The following ADRA1A variants were observed in gnomAD, a reference collection of about 807,000 sequenced individuals.
ADRA1A encodes the protein alpha-1A adrenergic receptor.
ADRA1A carries 31 observed loss-of-function variants against 29.6 expected under a neutral mutation model. The observed-to-expected ratio is 1.05, with a 90% CI of 0.79 to 1.41. The LOEUF is 1.41. Among genes scored for constraint, ADRA1A ranks in the 40% most tolerant of loss-of-function variants. The pLI is 0.00. For synonymous variants in ADRA1A, 311 were observed against 254.3 expected (o/e 1.22, Z -2.12); for missense variants, 619 against 601.1 (o/e 1.03, Z -0.31).
At chr8:26,784,025 G>A (rs1473898007) in intron 2 of ADRA1A, among the ~76,000 whole-genome samples, 4 of 151,926 alleles carry the variant, frequency 2.6e-5, no homozygotes, top group African/African-American at 9.7e-5. Context: ...GGCCTGTTTG[G>A]GGGGTGTGGT....
chr8:26,864,279 G>A lies in ADRA1A; in HGVS notation c.691C>T (p.Gln231Ter). The A allele has an allele frequency of 6.2e-7, 1 of 1,614,150 alleles. No homozygotes were observed. Among genetic ancestry groups the A allele is most frequent in the Non-Finnish European group, 8.5e-7 (1 of 1,180,048 alleles). ...GLKTDKSDSE[Q>*]VTLRIHRKNA... ...TTCCGATGGATGCGGAGCGTCACTT[G>A]CTCCGAGTCCGACTTGTCGGTCTTG... Residue 231 changes from glutamine to a stop codon, truncating the protein, a stop_gained, in exon 2 of 3, where the codon CAA becomes TAA. Coordinates refer to ENST00000380573, the MANE Select transcript of ADRA1A (RefSeq NM_000680.4). LOFTEE classifies it high-confidence loss of function. This position sits in a 1 kb window ranked among gnomAD's most constrained non-coding sequence, Gnocchi z 8.1.
chr8:26,842,812 A>G (rs1195188257), intron 2 of ADRA1A, among the ~76,000 whole-genome samples: 1 of 151,476 alleles, frequency 6.6e-6, no homozygotes, highest in African/African-American at 2.4e-5. Context: ...GGATAATAAT[A>G]TTGTCCCACC....
chr8:26,818,843 T>C (rs1204303597), intron 2 of ADRA1A, among the ~76,000 whole-genome samples: 1 of 151,892 alleles, frequency 6.6e-6, no homozygotes, highest in Non-Finnish European at 1.5e-5. Context: ...ATTTATGAAA[T>C]GTTATCAGGT....
At chr8:26,809,725 T>C (rs1175163728) in intron 2 of ADRA1A, among the ~76,000 whole-genome samples, 2 of 152,206 alleles carry the variant, frequency 1.3e-5, no homozygotes, top group Admixed American at 6.5e-5. Flanking sequence ...AATGGAATGG[T>C]TTCTTCCCAC....
rs528402543 is a variant in ADRA1A, at chr8:26,770,089, C to T, written c.*60G>A. ...TGTCCTCCAAGAAGAGCTGGCCTTC[C>T]GAGAAGGAAGTGGGGTGGGTACCTA... On this transcript the variant is annotated 3_prime_UTR_variant, in exon 3 of 3. Transcript: ENST00000380573. 2.1e-5 allele frequency: 32 copies of T among 1,513,804 alleles called. No individual in the cohort carries two copies. The highest frequency in any genetic ancestry group is 1.8e-4 in the Admixed American group (8 of 44,278). The allele number at this position is 1,513,804 out of a possible 1,614,324, so 93.8% of individuals were successfully genotyped here. A position where few individuals can be genotyped will look rare whatever the true frequency, so the allele number is the denominator to read the frequency against.
At chr8:26,837,872 T>G (rs1811503355) in intron 2 of ADRA1A, among the ~76,000 whole-genome samples, 1 of 152,228 alleles carries the variant, frequency 6.6e-6, no homozygotes, top group Non-Finnish European at 1.5e-5. Context: ...ATGTTCCCAC[T>G]TTTACTGCCT....
chr8:26,798,080 G>T (rs1808311745), intron 2 of ADRA1A, among the ~76,000 whole-genome samples: 1 of 152,028 alleles, frequency 6.6e-6, no homozygotes, highest in Non-Finnish European at 1.5e-5. Context: ...CCAGGCTCAA[G>T]TGATTCTCCT....
chr8:26,809,962 C>T (rs1183153771), intron 2 of ADRA1A, among the ~76,000 whole-genome samples: 1 of 152,182 alleles, frequency 6.6e-6, no homozygotes, highest in Non-Finnish European at 1.5e-5. Flanking sequence ...TTATTATACC[C>T]TGTTCTGTGT....
downstream of ADRA1A, among the ~76,000 whole-genome samples, chr8:26,761,238 G>A (rs551164461): frequency 1.3e-5 from 2 of 152,330 alleles, no homozygotes; most frequent in African/African-American, 4.8e-5. Context: ...GACAATTGCT[G>A]TAAGAACTTG....
In ADRA1A at chr8:26,833,397, G is replaced by A. The variant is rs1811126334; in HGVS notation, c.883+30690C>T. Among the ~76,000 whole-genome samples, 3 of 152,110 alleles carry A rather than the reference G, an allele frequency of 2.0e-5. No homozygotes were observed. In the South Asian group the frequency reaches 6.2e-4, roughly 32 times the overall value. On this transcript the variant is annotated intron_variant, in intron 2 of 2. Coordinates refer to ENST00000380573, the MANE Select transcript of ADRA1A (RefSeq NM_000680.4). ...AATTTTGTCTCCCTTTTGCTTGTCA[G>A]GGTTGGGTACCTTGAATATGGGTTC...
chr8:26,767,639 G>A (rs750453963), downstream of ADRA1A, among the ~76,000 whole-genome samples: 4 of 152,298 alleles, frequency 2.6e-5, 1 homozygote, highest in South Asian at 8.3e-4. Flanking sequence ...ATTTTGATTA[G>A]ATGTGGCATT....
Position 26,866,878 on chromosome 8 carries a change from G to A in ADRA1A, c.-687+58C>T, listed in dbSNP as rs1235702674. ...TGGGGGTTCCGTCTCACCAGACGGC[G>A]GGGGAGGTCTGCCCTCACCCACTCG... On this transcript the variant is annotated intron_variant, in intron 1 of 2. Transcript: ENST00000380573. This position sits in a 1 kb window ranked among gnomAD's most constrained non-coding sequence, Gnocchi z 5.7. 2 of 985,480 alleles carry A rather than the reference G, an allele frequency of 2.0e-6. No homozygotes were observed. The highest frequency in any genetic ancestry group is 2.4e-6 in the Non-Finnish European group (2 of 830,026). The allele number at this position is 985,480 out of a possible 1,614,324, so 61.0% of individuals were successfully genotyped here. A position where few individuals can be genotyped will look rare whatever the true frequency, so the allele number is the denominator to read the frequency against.
At position 26,864,869 on chromosome 8, in the gene ADRA1A, C is replaced by G. The variant is rs1232726760; in HGVS notation, c.101G>C (p.Gly34Ala). The change falls in exon 2 of 3, where the codon GGG becomes GCG. Residue 34 changes from glycine (G) to alanine (A), a missense_variant. Gly to Ala is a moderately conservative substitution (Grantham distance 60). Coordinates refer to ENST00000380573, the MANE Select transcript of ADRA1A (RefSeq NM_000680.4). The surrounding 1 kb of genome is among the most constrained non-coding windows in gnomAD (Gnocchi z 8.1). ...SKAILLGVIL[G>A]GLILFGVLGN... is the part of the protein sequence containing the mutation. ...CAGCACCCCGAAAAGAATGAGGCCC[C>G]CCAAGATCACCCCGAGCAGAATGGC... 6.2e-7 allele frequency: 1 copy of G among 1,614,040 alleles called. No individual in the cohort carries two copies. The highest frequency in any genetic ancestry group is 8.5e-7 in the Non-Finnish European group (1 of 1,180,002).
chr8:26,779,252 C>T lies in ADRA1A; in HGVS notation c.884-8586G>A, dbSNP rs780371604. Reference sequence around the variant, plus strand: ...CAGAAGAATATGTATCTAGTTCCTTCTCCCTTTTTTTTGCCTCTTACATTC... The same window carrying T: ...CAGAAGAATATGTATCTAGTTCCTTTTCCCTTTTTTTTGCCTCTTACATTC... On this transcript the variant is annotated intron_variant, in intron 2 of 2. Transcript: ENST00000380573. 3 of 700,506 alleles carry T rather than the reference C, an allele frequency of 4.3e-6. No homozygotes were observed. The African/African-American group carries it at 5.3e-5, about 12-fold the overall frequency. 43.4% of individuals were successfully genotyped at this position (700,506 alleles called of 1,614,324 possible). A position where few individuals can be genotyped will look rare whatever the true frequency, so the allele number is the denominator to read the frequency against.
chr8:26,754,108 G>T (rs921048190), downstream of ADRA1A, among the ~76,000 whole-genome samples: 1 of 152,162 alleles, frequency 6.6e-6, no homozygotes, highest in Non-Finnish European at 1.5e-5. Flanking sequence ...AGATGGACCT[G>T]TAAAAATGGC....
intron 2 of ADRA1A, among the ~76,000 whole-genome samples, chr8:26,849,232 G>T (rs1265965184): frequency 6.6e-6 from 1 of 152,238 alleles, no homozygotes; most frequent in African/African-American, 2.4e-5. Context: ...AGACGGAATG[G>T]CTCCAGTAGC....
At chr8:26,820,325 T>C (rs900451939) in intron 2 of ADRA1A, among the ~76,000 whole-genome samples, 4 of 152,194 alleles carry the variant, frequency 2.6e-5, no homozygotes, top group African/African-American at 9.6e-5. Flanking sequence ...TTCTCCAGGA[T>C]AGATCATATA....
Position 26,775,939 on chromosome 8 carries a change from C to G in ADRA1A, c.884-5273G>C, listed in dbSNP as rs1218250334. 6.6e-6 allele frequency among the ~76,000 whole-genome samples: 1 copy of G among 152,154 alleles called. No homozygotes were observed. Among genetic ancestry groups the G allele is most frequent in the African/African-American group, 2.4e-5 (1 of 41,422 alleles). On this transcript the variant is annotated intron_variant, in intron 2 of 2. Coordinates refer to ENST00000380573, the MANE Select transcript of ADRA1A (RefSeq NM_000680.4). This position sits in a 1 kb window ranked among gnomAD's most constrained non-coding sequence, Gnocchi z 4.1. ...TTTAAAATGTTGCCTCTATGTCTTT[C>G]CACTGAATGCTATATCCATTGGGAA... is the stretch of plus-strand genomic sequence containing the variant.
exon 3 of ADRA1A, chr8:26,756,456 G>C: frequency 6.9e-7 from 1 of 1,451,420 alleles, no homozygotes; most frequent in Non-Finnish European, 9.1e-7. Context: ...ATGGGGGAGG[G>C]AGGTTGTATG....
Sources: allele counts gnomAD v4.1 joint callset (sites outside exome capture counted in the v4.1 genomes callset), GRCh38; gene constraint gnomAD v4.1.1; non-coding constraint Gnocchi (gnomAD v3.1); transcripts MANE v1.5; gene names NCBI Gene and HGNC (gene_info 2026-07-23, HGNC 2026-07-21).